Variants in ASMTL observed in about 807,000 individuals in gnomAD.
ASMTL encodes acetylserotonin O-methyltransferase like.
ASMTL carries 57 observed loss-of-function variants against 60.3 expected under a neutral mutation model. The ratio of observed to expected loss-of-function variants is 0.95; its 90% CI spans 0.76 to 1.18. The LOEUF (loss-of-function observed/expected upper bound fraction) is 1.18, where lower values mean the gene tolerates loss of function less well. Among genes scored for constraint, ASMTL ranks in the 50% most tolerant of loss-of-function variants. The probability of loss-of-function intolerance (pLI) is 0.00; values close to 1 mark genes in which losing one functional copy is unlikely to be tolerated. For missense variants in ASMTL, 981 were observed against 852.6 expected, an observed-to-expected ratio of 1.15 and a Z score of -1.88; for synonymous variants, 419 against 373.0, an observed-to-expected ratio of 1.12 and a Z score of -1.42.
chrX:1,428,795 T>C lies in ASMTL; in HGVS notation c.510-674A>G, dbSNP rs2090689661. 2.7e-5 allele frequency among the ~76,000 whole-genome samples: 4 copies of C among 146,768 alleles called. No individual in the cohort carries two copies. The Admixed American group carries it at 2.9e-4, about 10-fold the overall frequency. On this transcript the variant is annotated intron_variant, in intron 6 of 12. Transcript: ENST00000381317. ...GTGTGTGTGGGGAGAAGACTTCAGA[T>C]CTAGTGTGCTGGCAATTTACCAGTA...
At chrX:1,415,400 A>G (rs7472923) in intron 11 of ASMTL, among the ~76,000 whole-genome samples, 37,949 of 149,828 alleles carry the variant, frequency 0.25, 5,122 homozygotes, top group Non-Finnish European at 0.29. Context: ...CGTCTCGGCT[A>G]CTTGCACTGA....
At chrX:1,406,269 C>T (rs1201592835) in intron 12 of ASMTL, among the ~76,000 whole-genome samples, 1 of 123,100 alleles carries the variant, frequency 8.1e-6, no homozygotes, top group African/African-American at 3.2e-5. Context: ...TAGATGGGTG[C>T]ATGGATGAGA....
Position 1,425,531 on chromosome X carries a change from C to G in ASMTL, c.1054G>C (p.Glu352Gln), listed in dbSNP as rs2090592030. The stretch of plus-strand genomic sequence containing the variant: ...ACCCGCTGGGTCCTGTCACCTTGCT[C>G]TGTCTTCTCCAGGAGCCCCATGGCA... The part of the protein sequence containing the change: ...CAAMGLLEKT[E>Q]QGYSNTETAN... The change falls in exon 8 of 13, where the codon GAG (glutamate) becomes CAG (glutamine). Residue 352 changes from glutamate to glutamine, a missense_variant. Coordinates refer to ENST00000381317, the MANE Select transcript of ASMTL (RefSeq NM_004192.4). The G allele has an allele frequency of 6.2e-7, 1 of 1,612,078 alleles. No homozygotes were observed. The highest frequency in any genetic ancestry group is 8.5e-7 in the Non-Finnish European group (1 of 1,179,296).
rs770557949 is a variant in ASMTL at position 1,427,743 on chromosome X, C to T, written c.888G>A (p.Met296Ile). The change falls in exon 7 of 13, where the codon ATG (methionine) becomes ATA (isoleucine). Residue 296 changes from methionine to isoleucine, a missense_variant. Transcript: ENST00000381317. ...AGACAGACACAGGTACCTTGGATAG[C>T]ATAAAGCCCTCAATCAGCTCCAGGA... ...TRLLELIEGF[M>I]LSKGLLTACK... 55 of 1,609,506 alleles carry T rather than the reference C, an allele frequency of 3.4e-5. No individual in the cohort carries two copies. Among genetic ancestry groups the T allele is most frequent in the Non-Finnish European group, 4.5e-5 (53 of 1,177,250 alleles).
chrX:1,423,751 TCCTCC>T (rs2090537346), intron 8 of ASMTL, among the ~76,000 whole-genome samples: 1 of 18,716 alleles, frequency 5.3e-5, no homozygotes, highest in African/African-American at 1.0e-4. Flanking sequence ...TATCCATCCA[TCCTCC>T]CATCCATCCG....
intron 11 of ASMTL, chrX:1,413,090 CAG>C: frequency 1.8e-6 from 1 of 560,210 alleles, no homozygotes; most frequent in Non-Finnish European, 3.2e-6. Context: ...ACGCTGGGGA[CAG>C]TGGCTCACAC....
intron 6 of ASMTL, 131 bp downstream of exon 6, chrX:1,432,138 C>T (rs2090807927): frequency 5.6e-6 from 4 of 718,046 alleles, no homozygotes; most frequent in Non-Finnish European, 9.5e-6. Context: ...AGCCGGGCGG[C>T]TCTCCCTGTG....
chrX:1,417,074 A>T (rs1479259962), intron 11 of ASMTL, among the ~76,000 whole-genome samples: 1 of 151,738 alleles, frequency 6.6e-6, no homozygotes, highest in Non-Finnish European at 1.5e-5. Flanking sequence ...ACACAGACAC[A>T]CACCATGCAC....
At chrX:1,453,308 A>G (rs565056258), upstream of ASMTL, among the ~76,000 whole-genome samples, 14 of 144,602 alleles carry the variant, frequency 9.7e-5, no homozygotes, top group South Asian at 4.4e-4. Context: ...GCCGCCATTG[A>G]GCTCCCCGTG....
chrX:1,449,888 C>T (rs2091318714), intron 1 of ASMTL, among the ~76,000 whole-genome samples: 1 of 149,072 alleles, frequency 6.7e-6, no homozygotes, highest in African/African-American at 2.5e-5. Context: ...TAACTATGCC[C>T]CATCATCAAA....
intron 8 of ASMTL, among the ~76,000 whole-genome samples, chrX:1,424,443 CCCAT>C (rs2090558641): frequency 7.1e-6 from 1 of 140,908 alleles, no homozygotes; most frequent in South Asian, 2.5e-4. Context: ...CAGCCGTGCA[CCCAT>C]CCATCCACTC....
chrX:1,429,140 C>T (rs1377747210), intron 6 of ASMTL, among the ~76,000 whole-genome samples: 1 of 151,478 alleles, frequency 6.6e-6, no homozygotes, highest in Non-Finnish European at 1.5e-5. Context: ...GGTGATGCGC[C>T]TGCCTCGGCC....
At chrX:1,435,357 C>A in intron 4 of ASMTL, 1 of 607,330 alleles carries the variant, frequency 1.6e-6, no homozygotes. Context: ...GGGTGCATCT[C>A]TTCCACGTCC....
chrX:1,428,078 G>A lies in ASMTL; in HGVS notation c.553C>T (p.Leu185=). 4 of 1,612,574 alleles carry A rather than the reference G, an allele frequency of 2.5e-6. No homozygotes were observed. In the South Asian group the frequency reaches 4.4e-5, roughly 18 times the overall value. ...AAGTCCCCGTGTACGGACTCCACCA[G>A]CATGCCGCCCAGGGCCTGGATCCCG... ...GYGIQALGGM[L]VESVHGDFLN... is the part of the protein sequence containing the mutation. Residue 185 remains leucine, a synonymous_variant, in exon 7 of 13, where the codon CTG becomes TTG. Coordinates refer to ENST00000381317, the MANE Select transcript of ASMTL (RefSeq NM_004192.4).
intron 1 of ASMTL, among the ~76,000 whole-genome samples, chrX:1,449,013 C>G (rs1421663889): frequency 8.5e-5 from 13 of 152,168 alleles, no homozygotes; most frequent in Non-Finnish European, 1.3e-4. Context: ...CCGCCTCTGA[C>G]CAGAAACATC....
At chrX:1,452,143 TA>T (rs1481134229) in intron 1 of ASMTL, among the ~76,000 whole-genome samples, 1 of 134,052 alleles carries the variant, frequency 7.5e-6, no homozygotes, top group Admixed American at 7.4e-5. Context: ...ACCCCATCCC[TA>T]GGGGTCCCGG....
At chrX:1,432,524 T>C in intron 5 of ASMTL, 147 bp from the exon 6 acceptor site, 2 of 688,020 alleles carry the variant, frequency 2.9e-6, no homozygotes, top group South Asian at 3.4e-5. Flanking sequence ...TAAGGTTCAT[T>C]TCGGACAAGA....
In ASMTL at chrX:1,422,390, G is replaced by A. The variant is rs1167691959; in HGVS notation, c.1061-548C>T. Among the ~76,000 whole-genome samples, 3 of 152,180 alleles carry A rather than the reference G, an allele frequency of 2.0e-5. No individual in the cohort carries two copies. In the East Asian group the frequency reaches 5.8e-4, roughly 29 times the overall value. ...GCCTGAGCTTCCAGCCTCCTGGCCT[G>A]CCCTGTGGATTTTGGACTTGCCAGC... On this transcript the variant is annotated intron_variant, in intron 8 of 12. Coordinates refer to ENST00000381317, the MANE Select transcript of ASMTL (RefSeq NM_004192.4).
intron 12 of ASMTL, among the ~76,000 whole-genome samples, chrX:1,403,865 G>A (rs1273351527): frequency 2.0e-5 from 3 of 151,960 alleles, no homozygotes; most frequent in Admixed American, 2.0e-4. Context: ...AAGTGATGGG[G>A]AGGTACATGG....
Sources: gnomAD v4.1 joint callset for allele counts (sites outside exome capture counted in the v4.1 genomes callset) on GRCh38, gnomAD v4.1.1 for gene constraint, MANE v1.5 for transcripts, NCBI Gene and HGNC (gene_info 2026-07-23, HGNC 2026-07-21) for gene names.